Variants in KCNMB2 observed in about 807,000 individuals in gnomAD.
The protein encoded by KCNMB2 is potassium calcium-activated channel subfamily M regulatory beta subunit 2.
KCNMB2 carries 9 observed loss-of-function variants against 24.5 expected under a neutral mutation model. The observed-to-expected ratio is 0.37, with a 90% CI of 0.22 to 0.64. KCNMB2 has a LOEUF of 0.64. KCNMB2 is among the 30% of genes least tolerant of loss of function. The pLI is 0.63. For synonymous variants in KCNMB2, 109 were observed against 104.4 expected, an observed-to-expected ratio of 1.04 and a Z score of -0.27; for missense variants, 226 against 284.3, an observed-to-expected ratio of 0.79 and a Z score of 1.47.
intron 1 of KCNMB2, among the ~76,000 whole-genome samples, chr3:178,772,939 C>A (rs973171395): frequency 6.6e-6 from 1 of 152,096 alleles, no homozygotes; most frequent in Non-Finnish European, 1.5e-5. Flanking sequence ...TCAAAGCTAG[C>A]GGTATTCACC....
intron 1 of KCNMB2, among the ~76,000 whole-genome samples, chr3:178,771,121 G>A (rs982765179): frequency 1.3e-5 from 2 of 151,984 alleles, no homozygotes. Context: ...AATAATCCTT[G>A]GCTCTTCTTT....
rs951726017 is a variant in KCNMB2, at chr3:178,805,632, CT to C, written c.-67-1700del. Among the ~76,000 whole-genome samples, 55 of 146,422 alleles carry C rather than the reference CT, an allele frequency of 3.8e-4. 1 individual carries two copies. The highest frequency in any genetic ancestry group is 5.2e-4 in the African/African-American group (21 of 40,104). On this transcript the variant is annotated intron_variant, in intron 1 of 4. Coordinates refer to ENST00000452583, the MANE Select transcript of KCNMB2 (RefSeq NM_181361.3). ...AATTTGAATTGTAACAAATCTTTTTCTTTTTTTTTTTAAACAGGGGGTGTCA... is the reference window on the plus strand; with the variant it reads ...AATTTGAATTGTAACAAATCTTTTTCTTTTTTTTTTAAACAGGGGGTGTCA...
intron 1 of KCNMB2, among the ~76,000 whole-genome samples, chr3:178,541,293 A>G (rs1171067657): frequency 1.3e-5 from 2 of 152,216 alleles, no homozygotes; most frequent in Admixed American, 1.3e-4. Context: ...ACATTTTCAC[A>G]GATCTCCTAT....
chr3:178,719,101 T>C, intron 1 of KCNMB2, among the ~76,000 whole-genome samples: 1 of 152,234 alleles, frequency 6.6e-6, no homozygotes, highest in East Asian at 1.9e-4. Context: ...TGATTAAGGC[T>C]GCTTATAGAG....
intron 1 of KCNMB2, among the ~76,000 whole-genome samples, chr3:178,567,621 A>T (rs751947118): frequency 2.1e-5 from 3 of 146,312 alleles, no homozygotes; most frequent in Non-Finnish European, 4.4e-5. Context: ...ATAAAGAAAA[A>T]ATATAAAGAA....
intron 1 of KCNMB2, among the ~76,000 whole-genome samples, chr3:178,710,658 C>T (rs1418838777): frequency 6.6e-6 from 1 of 152,006 alleles, no homozygotes; most frequent in Non-Finnish European, 1.5e-5. Flanking sequence ...GTGCGTGTCT[C>T]TGTGTATAGG....
At chr3:178,612,221 T>C (rs539748614) in intron 1 of KCNMB2, among the ~76,000 whole-genome samples, 1 of 152,334 alleles carries the variant, frequency 6.6e-6, no homozygotes, top group Non-Finnish European at 1.5e-5. Flanking sequence ...GATTGTGAGT[T>C]CTGCAGATGT....
chr3:178,681,270 A>AC (rs11368563), intron 1 of KCNMB2, among the ~76,000 whole-genome samples: 108,117 of 152,036 alleles, frequency 0.71, 38,850 homozygotes, highest in African/African-American at 0.84. Context: ...GCCAAATAGT[A>AC]TAACAATACC....
At chr3:178,805,076 A>C (rs1282854706) in intron 1 of KCNMB2, among the ~76,000 whole-genome samples, 1 of 152,228 alleles carries the variant, frequency 6.6e-6, no homozygotes, top group Non-Finnish European at 1.5e-5. Flanking sequence ...ACGTCTTTCT[A>C]AATCTAGTGT....
chr3:178,671,121 C>T (rs1053895483), intron 1 of KCNMB2, among the ~76,000 whole-genome samples: 17 of 148,092 alleles, frequency 1.1e-4, no homozygotes, highest in East Asian at 4.1e-4. Flanking sequence ...CCAAAACACA[C>T]GTACAAACAC....
rs1336990636 is a variant in KCNMB2, at chr3:178,759,601, A to ACG, written c.-67-47742_-67-47741insCG. On this transcript the variant is annotated intron_variant, in intron 1 of 4. Transcript: ENST00000452583. ...GATATATATACATATATCTCTCTCC[A>ACG]AGAGGATATATATACATATATCTCT... is the stretch of plus-strand genomic sequence containing the variant. Among the ~76,000 whole-genome samples the ACG allele has an allele frequency of 2.5e-4, 32 of 130,460 alleles. 2 individuals are homozygous for ACG. The highest frequency in any genetic ancestry group is 1.2e-3 in the South Asian group (5 of 4,224). The allele number at this position is 130,460 out of a possible 152,430, so 85.6% of individuals were successfully genotyped here.
At chr3:178,553,219 G>A (rs922015124) in intron 1 of KCNMB2, among the ~76,000 whole-genome samples, 4 of 152,138 alleles carry the variant, frequency 2.6e-5, no homozygotes, top group Admixed American at 2.0e-4. Flanking sequence ...TAAAATGTGA[G>A]GAAGGAAACA....
chr3:178,579,021 G>A (rs1487579939), intron 1 of KCNMB2, among the ~76,000 whole-genome samples: 2 of 152,124 alleles, frequency 1.3e-5, no homozygotes, highest in African/African-American at 4.8e-5. Flanking sequence ...GGACCAAGCA[G>A]ACCTAATAGA....
chr3:178,540,271 G>A (rs1236749299), intron 1 of KCNMB2, among the ~76,000 whole-genome samples: 1 of 152,082 alleles, frequency 6.6e-6, no homozygotes, highest in East Asian at 1.9e-4. Flanking sequence ...ATTATTTCTT[G>A]TCATTTCCAC....
At chr3:178,565,400 C>T (rs1352123476) in intron 1 of KCNMB2, among the ~76,000 whole-genome samples, 1 of 152,106 alleles carries the variant, frequency 6.6e-6, no homozygotes, top group African/African-American at 2.4e-5. Context: ...TCTGAAATGA[C>T]GTTACACTGT....
intron 1 of KCNMB2, among the ~76,000 whole-genome samples, chr3:178,567,729 C>T (rs1716578602): frequency 6.6e-6 from 1 of 152,142 alleles, no homozygotes; most frequent in South Asian, 2.1e-4. Flanking sequence ...GAGAGCATCA[C>T]TTAATCTTTG....
At chr3:178,788,491 G>A (rs768711420) in intron 1 of KCNMB2, among the ~76,000 whole-genome samples, 1 of 151,852 alleles carries the variant, frequency 6.6e-6, no homozygotes, top group Non-Finnish European at 1.5e-5. Context: ...TCCCCCAAAT[G>A]GAAAAAACTA....
chr3:178,610,080 C>T (rs921129608), intron 1 of KCNMB2, among the ~76,000 whole-genome samples: 18 of 152,142 alleles, frequency 1.2e-4, no homozygotes, highest in African/African-American at 4.1e-4. Flanking sequence ...AAAATGAGTT[C>T]ACTGTAGGTG....
intron 1 of KCNMB2, among the ~76,000 whole-genome samples, chr3:178,716,839 A>T (rs1429383877): frequency 2.0e-5 from 3 of 152,166 alleles, no homozygotes; most frequent in African/African-American, 7.2e-5. Context: ...GGGTCCCTGG[A>T]CCAAATTATA....
Sources: gnomAD v4.1 joint callset for allele counts (sites outside exome capture counted in the v4.1 genomes callset) on GRCh38, gnomAD v4.1.1 for gene constraint, MANE v1.5 for transcripts, NCBI Gene and HGNC (gene_info 2026-07-23, HGNC 2026-07-21) for gene names.